Variants in FAM13A observed in about 807,000 individuals in gnomAD.
The protein encoded by FAM13A is protein FAM13A.
FAM13A carries 76 observed loss-of-function variants against 129.6 expected under a neutral mutation model. That is an observed-to-expected ratio of 0.59 (90% confidence interval 0.49 to 0.71). The LOEUF (loss-of-function observed/expected upper bound fraction) is 0.71, where lower values mean the gene tolerates loss of function less well. FAM13A is among the 30% of genes least tolerant of loss of function. The pLI is 0.00. For synonymous variants in FAM13A, 443 were observed against 449.9 expected (o/e 0.98, Z 0.20); for missense variants, 1,108 against 1,249.3 (o/e 0.89, Z 1.70).
intron 6 of FAM13A, among the ~76,000 whole-genome samples, chr4:88,857,356 G>C (rs1237693631): frequency 6.6e-6 from 1 of 152,082 alleles, no homozygotes; most frequent in Non-Finnish European, 1.5e-5. Context: ...GGCCAAGTGT[G>C]GTGGCTCACC....
At position 88,852,450 on chromosome 4, in the gene FAM13A, C is replaced by T. The variant is rs545037033; in HGVS notation, c.844-1267G>A. 9.2e-4 allele frequency among the ~76,000 whole-genome samples: 140 copies of T among 152,290 alleles called. 1 individual carries two copies. The highest frequency in any genetic ancestry group is 1.2e-3 in the Non-Finnish European group (81 of 68,026). ...GTGCTGGGATTACAGGCTTGAGCCA[C>T]GGCGCCTGGACTTAACTTCAGGTCT... On this transcript the variant is annotated intron_variant, in intron 6 of 23. Coordinates refer to ENST00000264344, the MANE Select transcript of FAM13A (RefSeq NM_014883.4).
chr4:88,954,220 T>C lies in FAM13A; in HGVS notation c.606-15979A>G, dbSNP rs149320016. Among the ~76,000 whole-genome samples the C allele has an allele frequency of 7.9e-4, 121 of 152,324 alleles. 1 individual carries two copies. The highest frequency in any genetic ancestry group is 2.7e-3 in the African/African-American group (113 of 41,572). ...CCTGTATTCTTCATCCAATGAACAT[T>C]TTCTTCATTTCAAAAGCTTAATACT... On this transcript the variant is annotated intron_variant, in intron 4 of 23. Coordinates refer to ENST00000264344, the MANE Select transcript of FAM13A (RefSeq NM_014883.4).
chr4:88,894,720 C>T (rs571582995), intron 6 of FAM13A, among the ~76,000 whole-genome samples: 1 of 152,208 alleles, frequency 6.6e-6, no homozygotes, highest in East Asian at 1.9e-4. Flanking sequence ...CAGGGTTTTG[C>T]CAAGTTGGCC....
rs754078065 is a variant in FAM13A at position 89,020,585 on chromosome 4, G to A, written c.302C>T (p.Pro101Leu). The change falls in exon 3 of 24, where the codon CCC becomes CTC. Residue 101 changes from proline to leucine, a missense_variant. By Grantham distance (98) the Pro-to-Leu change is moderately conservative (BLOSUM62 -3). Transcript: ENST00000264344. ...ATCACCGTCCTTCCCGAGCTCCACG[G>A]GCACTCCACTCTCGAACTTCAGTCG... The part of the protein sequence containing the change: ...QLRLKFESGV[P>L]VELGKDGDVC... 6 of 1,614,002 alleles carry A rather than the reference G, an allele frequency of 3.7e-6. No individual in the cohort carries two copies. Among genetic ancestry groups the A allele is most frequent in the South Asian group, 1.1e-5 (1 of 91,072 alleles).
rs1364398261 is a variant in FAM13A, at chr4:88,750,483, C to G, written c.1881G>C (p.Arg627Ser). Residue 627 changes from arginine (R) to serine (S), a missense_variant, in exon 15 of 24, where the codon AGG (arginine) becomes AGC (serine). By Grantham distance (110) the Arg-to-Ser change is moderately radical. Around this residue, in one of 3 missense-constraint regions of FAM13A, gnomAD observed 529 missense variants for 621.2 expected, o/e 0.85. Coordinates refer to ENST00000264344, the MANE Select transcript of FAM13A (RefSeq NM_014883.4). ...GCACTTCTGTGTCATCCAGGTATTG[C>G]CTGCTCTGCCCATAAGCGTAGAACC... ...SPRFYAYGQS[R>S]QYLDDTEVPP... The G allele has an allele frequency of 6.2e-7, 1 of 1,614,164 alleles. No homozygotes were observed. Among genetic ancestry groups the G allele is most frequent in the East Asian group, 2.2e-5 (1 of 44,868 alleles).
chr4:88,855,093 G>T (rs1476079219), intron 6 of FAM13A, among the ~76,000 whole-genome samples: 1 of 152,134 alleles, frequency 6.6e-6, no homozygotes, highest in Non-Finnish European at 1.5e-5. Flanking sequence ...TCAGAACCCA[G>T]ACAGGCCTCA....
chr4:88,836,450 T>G (rs1734816298), intron 7 of FAM13A, among the ~76,000 whole-genome samples: 1 of 152,192 alleles, frequency 6.6e-6, no homozygotes, highest in Non-Finnish European at 1.5e-5. Context: ...GTATAAAAAT[T>G]GTCATAGTAA....
intron 7 of FAM13A, among the ~76,000 whole-genome samples, chr4:88,846,286 A>C (rs906820942): frequency 1.3e-5 from 2 of 152,214 alleles, no homozygotes; most frequent in African/African-American, 4.8e-5. Flanking sequence ...GAAATTTCCA[A>C]GATGTTTCAG....
intron 11 of FAM13A, among the ~76,000 whole-genome samples, chr4:88,769,561 T>C (rs1157806171): frequency 6.6e-6 from 1 of 152,064 alleles, no homozygotes; most frequent in Admixed American, 6.5e-5. Context: ...ATGATGGGCG[T>C]GGTGGCTCAC....
chr4:88,992,193 AGCTATCATAATAGT>A, intron 3 of FAM13A, among the ~76,000 whole-genome samples: 1 of 152,164 alleles, frequency 6.6e-6, no homozygotes, highest in Admixed American at 6.6e-5. Flanking sequence ...TAGTCCCTCT[AGCTATCATAATAGT>A]CCTGAATAAA....
At chr4:89,052,248 CG>C (rs1455760459) in intron 1 of FAM13A, among the ~76,000 whole-genome samples, 1 of 114,426 alleles carries the variant, frequency 8.7e-6, no homozygotes. Context: ...TTCTGGGCAG[CG>C]CTTTCTTTTT....
chr4:89,056,876 G>A lies in FAM13A; in HGVS notation c.27+62C>T, dbSNP rs570078693. ...ACAAACATCTCATCAAAACAAGGAA[G>A]GCAAGGCCCTCTCCTAAAAACTGGC... is the stretch of plus-strand genomic sequence containing the variant. On this transcript the variant is annotated intron_variant, in intron 1 of 23. Coordinates refer to ENST00000264344, the MANE Select transcript of FAM13A (RefSeq NM_014883.4). 5.3e-6 allele frequency: 8 copies of A among 1,495,372 alleles called. No homozygotes were observed. The East Asian group carries it at 1.6e-4, about 30-fold the overall frequency. The allele number at this position is 1,495,372 out of a possible 1,614,324, so 92.6% of individuals were successfully genotyped here. A position where few individuals can be genotyped will look rare whatever the true frequency, so the allele number is the denominator to read the frequency against.
chr4:88,922,739 T>C (rs1751345935), intron 5 of FAM13A, among the ~76,000 whole-genome samples: 1 of 151,748 alleles, frequency 6.6e-6, no homozygotes, highest in African/African-American at 2.4e-5. Flanking sequence ...CAAAAAACCT[T>C]CAAAAAATTA....
chr4:88,930,201 A>G (rs1752823623), intron 5 of FAM13A, among the ~76,000 whole-genome samples: 1 of 152,056 alleles, frequency 6.6e-6, no homozygotes, highest in South Asian at 2.1e-4. Flanking sequence ...TTTTGTTTTG[A>G]TGGGGATTTG....
At chr4:88,853,463 G>T (rs1251742154) in intron 6 of FAM13A, among the ~76,000 whole-genome samples, 1 of 152,046 alleles carries the variant, frequency 6.6e-6, no homozygotes, top group Non-Finnish European at 1.5e-5. Context: ...TCATTAAGGA[G>T]CTCCTTTTGC....
At chr4:88,944,477 T>C (rs1755321313) in intron 4 of FAM13A, among the ~76,000 whole-genome samples, 1 of 152,232 alleles carries the variant, frequency 6.6e-6, no homozygotes, top group South Asian at 2.1e-4. Context: ...GCTTCAAGGG[T>C]TCCCTGCCTT....
intron 3 of FAM13A, among the ~76,000 whole-genome samples, chr4:88,998,202 T>A (rs1763807401): frequency 1.3e-5 from 2 of 152,180 alleles, no homozygotes; most frequent in African/African-American, 4.8e-5. Context: ...TCACCCACAG[T>A]ACAGTGAGAT....
intron 3 of FAM13A, among the ~76,000 whole-genome samples, chr4:89,016,499 A>G (rs1026502757): frequency 1.3e-5 from 2 of 152,108 alleles, no homozygotes; most frequent in African/African-American, 4.8e-5. Flanking sequence ...CTTCATATTC[A>G]CTCACCACTC....
rs527863089 is a variant in FAM13A, at chr4:88,854,364, T to C, written c.844-3181A>G. Reference sequence around the variant, plus strand: ...AATCGCGCCAACAGCCTTACCGTAATAAATGGAGTGAATGTGCTGGAAAGA... The same window carrying C: ...AATCGCGCCAACAGCCTTACCGTAACAAATGGAGTGAATGTGCTGGAAAGA... On this transcript the variant is annotated intron_variant, in intron 6 of 23. Transcript: ENST00000264344. Among the ~76,000 whole-genome samples the C allele has an allele frequency of 1.4e-4, 21 of 152,224 alleles. No individual in the cohort carries two copies. In the South Asian group the frequency reaches 2.1e-3, roughly 15 times the overall value.
Sources: gnomAD v4.1 joint callset for allele counts (sites outside exome capture counted in the v4.1 genomes callset) on GRCh38, gnomAD v4.1.1 for gene constraint, gnomAD v4.1.1 regional missense constraint, MANE v1.5 for transcripts, NCBI Gene and HGNC (gene_info 2026-07-23, HGNC 2026-07-21) for gene names.